DACH2: variants seen among roughly 807,000 people sequenced by gnomAD.
DACH2 encodes the protein dachshund family transcription factor 2.
A neutral mutation model predicts 35.8 loss-of-function variants in DACH2; 17 were observed. That is an observed-to-expected ratio of 0.48 (90% CI 0.33 to 0.71). The LOEUF (loss-of-function observed/expected upper bound fraction) is 0.71, where lower values mean the gene tolerates loss of function less well. DACH2 is among the 30% of genes least tolerant of loss of function. The pLI, the probability that DACH2 is intolerant of heterozygous loss-of-function variation, is 0.02. For missense variants in DACH2, 469 were observed against 472.7 expected (o/e 0.99, Z 0.07); for synonymous variants, 195 against 177.3 (o/e 1.10, Z -0.79).
chrX:86,295,012 C>A (rs2034414139), intron 1 of DACH2, among the ~76,000 whole-genome samples: 1 of 112,766 alleles, frequency 8.9e-6, no homozygotes, highest in South Asian at 3.6e-4. Flanking sequence ...GGGCGCCCCT[C>A]CTCCAGCCTC....
At chrX:86,469,920 TA>T (rs1427303205) in intron 2 of DACH2, among the ~76,000 whole-genome samples, 19 of 110,285 alleles carry the variant, frequency 1.7e-4, no homozygotes, top group African/African-American at 5.9e-4. Context: ...CAACAGCAAA[TA>T]TTTTTTTAAT....
At chrX:86,176,874 C>T (rs897565147) in intron 1 of DACH2, among the ~76,000 whole-genome samples, 1 of 111,927 alleles carries the variant, frequency 8.9e-6, no homozygotes, top group African/African-American at 3.2e-5. Flanking sequence ...TGATTTCATA[C>T]TGGCAATGTT....
intron 2 of DACH2, among the ~76,000 whole-genome samples, chrX:86,454,306 A>G (rs1312793131): frequency 9.0e-6 from 1 of 110,966 alleles, no homozygotes; most frequent in Non-Finnish European, 1.9e-5. Context: ...CAGTTCCTGA[A>G]TTTTAATGTT....
At chrX:86,431,789 A>G (rs992276575) in intron 2 of DACH2, among the ~76,000 whole-genome samples, 8 of 112,020 alleles carry the variant, frequency 7.1e-5, no homozygotes, top group African/African-American at 2.6e-4. Context: ...ACAAGTAGAC[A>G]GTGGCTATTT....
chrX:86,428,233 T>C (rs951712631), intron 2 of DACH2, among the ~76,000 whole-genome samples: 32 of 111,994 alleles, frequency 2.9e-4, no homozygotes, highest in Admixed American at 2.9e-4. Context: ...TGCTGTATGA[T>C]ATACCAAATA....
chrX:86,459,874 G>T (rs954457779), intron 2 of DACH2, among the ~76,000 whole-genome samples: 5 of 1,039 alleles, frequency 4.8e-3, no homozygotes, highest in Non-Finnish European at 0.014. Context: ...ATAGGATTAT[G>T]ATTATTTTTA....
intron 1 of DACH2, among the ~76,000 whole-genome samples, chrX:86,364,626 A>G (rs778393588): frequency 1.8e-5 from 2 of 111,828 alleles, no homozygotes; most frequent in South Asian, 7.5e-4. Context: ...ACCACACCCC[A>G]TGCTACGGAG....
At chrX:86,405,405 A>T (rs1217352312) in intron 2 of DACH2, among the ~76,000 whole-genome samples, 1 of 111,472 alleles carries the variant, frequency 9.0e-6, no homozygotes, top group Non-Finnish European at 1.9e-5. Flanking sequence ...CAGGAGTAAA[A>T]TACGGCCAGT....
chrX:86,457,965 C>T (rs775373877), intron 2 of DACH2, among the ~76,000 whole-genome samples: 8 of 111,859 alleles, frequency 7.2e-5, no homozygotes, highest in South Asian at 3.7e-4. Context: ...GGAATATTTA[C>T]GTCACATGAA....
At position 86,381,079 on chromosome X, in the gene DACH2, G is replaced by A. The variant is rs928392672; in HGVS notation, c.527+4217G>A. On this transcript the variant is annotated intron_variant, in intron 2 of 11. Coordinates refer to ENST00000373125, the MANE Select transcript of DACH2 (RefSeq NM_053281.3). Reference sequence around the variant, plus strand: ...GGTCATGTCTTGCACCCATATGGGAGTATTTCTCTAGGATATCAGCCTAGA... The same window carrying A: ...GGTCATGTCTTGCACCCATATGGGAATATTTCTCTAGGATATCAGCCTAGA... Among the ~76,000 whole-genome samples the A allele has an allele frequency of 1.0e-4, 11 of 109,626 alleles. No individual in the cohort carries two copies. The South Asian group carries it at 1.6e-3, about 15-fold the overall frequency.
chrX:86,556,757 TA>T (rs1401091656), intron 3 of DACH2, among the ~76,000 whole-genome samples: 49 of 8,872 alleles, frequency 5.5e-3, no homozygotes, highest in South Asian at 0.028. Context: ...ATAGGATATG[TA>T]TATATATATA....
intron 6 of DACH2, among the ~76,000 whole-genome samples, chrX:86,716,116 T>G (rs1239011281): frequency 1.8e-5 from 2 of 111,353 alleles, no homozygotes; most frequent in Non-Finnish European, 3.8e-5. Context: ...GTTACAGACT[T>G]CACCGCTACA....
intron 1 of DACH2, among the ~76,000 whole-genome samples, chrX:86,228,441 G>T (rs2032874176): frequency 9.6e-6 from 1 of 104,622 alleles, no homozygotes; most frequent in Non-Finnish European, 1.9e-5. Flanking sequence ...CTTTTCCTCT[G>T]GGTAAAGAGG....
chrX:86,241,919 C>T (rs111835256), intron 1 of DACH2, among the ~76,000 whole-genome samples: 1,411 of 112,535 alleles, frequency 0.013, 22 homozygotes, highest in African/African-American at 0.043. Flanking sequence ...TGCAGGAGCA[C>T]AGAAGGCAAG....
At chrX:86,361,128 A>G (rs2035733035) in intron 1 of DACH2, among the ~76,000 whole-genome samples, 1 of 111,636 alleles carries the variant, frequency 9.0e-6, no homozygotes, top group South Asian at 3.6e-4. Flanking sequence ...ACCTGCTTTT[A>G]TAGCATTTTT....
chrX:86,728,641 G>T (rs1054306646), intron 6 of DACH2, among the ~76,000 whole-genome samples: 5 of 112,537 alleles, frequency 4.4e-5, no homozygotes, highest in African/African-American at 1.3e-4. Flanking sequence ...CCAGGGCTCT[G>T]CTCCCCTGCA....
At chrX:86,281,229 A>G (rs1240597740) in intron 1 of DACH2, among the ~76,000 whole-genome samples, 3 of 111,668 alleles carry the variant, frequency 2.7e-5, no homozygotes, top group Admixed American at 1.9e-4. Flanking sequence ...ATCCCTGATG[A>G]ACATCAGTGC....
rs148903533 is a variant in DACH2 at position 86,199,576 on chromosome X, C to T, written c.488+50468C>T. On this transcript the variant is annotated intron_variant, in intron 1 of 11. Coordinates refer to ENST00000373125, the MANE Select transcript of DACH2 (RefSeq NM_053281.3). ...ACAACTTGAGCAAAGTCTCAGAATA[C>T]AAAGTCAATGTAGAAACATTACTAG... is the stretch of plus-strand genomic sequence containing the variant. 3.3e-3 allele frequency among the ~76,000 whole-genome samples: 373 copies of T among 112,103 alleles called. 3 individuals carry two copies. Among genetic ancestry groups the T allele is most frequent in the African/African-American group, 0.011 (354 of 30,872 alleles).
At chrX:86,330,635 C>A (rs757620589) in intron 1 of DACH2, among the ~76,000 whole-genome samples, 1 of 111,585 alleles carries the variant, frequency 9.0e-6, no homozygotes, top group African/African-American at 3.2e-5. Context: ...AATACTTTTT[C>A]TTAATGGTAG....
Sources: gnomAD v4.1 joint callset for allele counts (sites outside exome capture counted in the v4.1 genomes callset) on GRCh38, gnomAD v4.1.1 for gene constraint, MANE v1.5 for transcripts, NCBI Gene and HGNC (gene_info 2026-07-23, HGNC 2026-07-21) for gene names.